The following RBFOX1 variants were observed in gnomAD, a reference collection of about 807,000 sequenced individuals.
RBFOX1 encodes the protein RNA binding protein fox-1 homolog 1.
In RBFOX1, 8 loss-of-function variants were observed where a neutral mutation model predicts 57.7. The observed-to-expected ratio is 0.14, with a 90% CI of 0.08 to 0.25. The LOEUF (loss-of-function observed/expected upper bound fraction) is 0.25. Ranked by LOEUF, RBFOX1 falls within the 10% of genes least tolerant of loss-of-function variation. The pLI, the probability that RBFOX1 is intolerant of heterozygous loss-of-function variation, is 1.00. For synonymous variants in RBFOX1, 326 were observed against 222.4 expected, an observed-to-expected ratio of 1.47 and a Z score of -4.15; for missense variants, 611 against 548.5, an observed-to-expected ratio of 1.11 and a Z score of -1.14.
intron 4 of RBFOX1, among the ~76,000 whole-genome samples, chr16:7,256,817 T>C (rs1304168556): frequency 1.3e-5 from 2 of 152,134 alleles, no homozygotes; most frequent in Non-Finnish European, 2.9e-5. Context: ...TCTCTCACCG[T>C]TCTACGCACA....
intron 1 of RBFOX1, among the ~76,000 whole-genome samples, chr16:5,305,211 C>A (rs2063903893): frequency 6.6e-6 from 1 of 152,148 alleles, no homozygotes; most frequent in African/African-American, 2.4e-5. Flanking sequence ...CAGTGAGGGA[C>A]CGGTTTCACC....
intron 4 of RBFOX1, among the ~76,000 whole-genome samples, chr16:7,480,580 T>A (rs867945070): frequency 6.6e-5 from 10 of 152,248 alleles, no homozygotes; most frequent in Non-Finnish European, 5.9e-5. Context: ...CATCACCTCC[T>A]TTTTTCAAGC....
At chr16:6,959,362 A>AT (rs1333424334) in intron 3 of RBFOX1, among the ~76,000 whole-genome samples, 1 of 152,198 alleles carries the variant, frequency 6.6e-6, no homozygotes. Context: ...TAACCGTCAC[A>AT]TTTGAATGGA....
chr16:6,370,882 C>T (rs1167463059), intron 2 of RBFOX1, among the ~76,000 whole-genome samples: 5 of 152,122 alleles, frequency 3.3e-5, no homozygotes, highest in Admixed American at 2.0e-4. Context: ...AGTGGGTCCT[C>T]AATATGTAAA....
intron 3 of RBFOX1, among the ~76,000 whole-genome samples, chr16:6,774,747 T>A (rs892420512): frequency 7.9e-5 from 12 of 152,128 alleles, no homozygotes; most frequent in Admixed American, 5.9e-4. Flanking sequence ...GTTAATTAGT[T>A]CAACTGTTGA....
chr16:7,529,428 A>C (rs373342634), intron 5 of RBFOX1, among the ~76,000 whole-genome samples: 2 of 152,216 alleles, frequency 1.3e-5, no homozygotes, highest in African/African-American at 4.8e-5. Context: ...ATGGTATGCA[A>C]CCCTTTGGTG....
intron 3 of RBFOX1, among the ~76,000 whole-genome samples, chr16:6,919,208 C>T (rs1363081882): frequency 6.6e-6 from 1 of 152,032 alleles, no homozygotes; most frequent in African/African-American, 2.4e-5. Flanking sequence ...GTCTTGAACT[C>T]CTGACCTCAG....
intron 1 of RBFOX1, among the ~76,000 whole-genome samples, chr16:6,298,716 ACAAGCCATCTCAAGAGACTGTTTTC>A (rs1436276464): frequency 6.6e-6 from 1 of 152,258 alleles, no homozygotes; most frequent in African/African-American, 2.4e-5. Context: ...TTCGAGAATG[ACAAGCCATCTCAAGAGACTGTTTTC>A]CAAAGGTTAG....
In RBFOX1 at chr16:7,610,118, C is replaced by CTTTTTTTTTTTTTTTTTTTTT. The variant is rs34468596; in HGVS notation, c.676+2781_676+2801dup. ...GGTGTGAGCCACTGCGCCCGGCCCC[C>CTTTTTTTTTTTTTTTTTTTTT]TTTTTTTTTTTTTTTTTTTTTGAGG... On this transcript the variant is annotated intron_variant, in intron 10 of 15. Transcript: ENST00000550418. 1.5e-3 allele frequency among the ~76,000 whole-genome samples: 101 copies of CTTTTTTTTTTTTTTTTTTTTT among 65,612 alleles called. 23 individuals are homozygous for CTTTTTTTTTTTTTTTTTTTTT. Among genetic ancestry groups the CTTTTTTTTTTTTTTTTTTTTT allele is most frequent in the Middle Eastern group, 0.038 (2 of 52 alleles). The allele number at this position is 65,612 out of a possible 152,430, so 43.0% of individuals were successfully genotyped here. A position where few individuals can be genotyped will look rare whatever the true frequency, so the allele number is the denominator to read the frequency against.
intron 3 of RBFOX1, among the ~76,000 whole-genome samples, chr16:5,798,753 A>G (rs1360183530): frequency 6.6e-6 from 1 of 152,190 alleles, no homozygotes; most frequent in Non-Finnish European, 1.5e-5. Flanking sequence ...GAAAATCTTA[A>G]TTAAGTCATG....
chr16:7,010,444 C>G (rs558628296), intron 3 of RBFOX1, among the ~76,000 whole-genome samples: 1 of 152,018 alleles, frequency 6.6e-6, no homozygotes, highest in Non-Finnish European at 1.5e-5. Flanking sequence ...TAGAGTTGAC[C>G]GAGTCCGTGA....
chr16:6,272,412 C>G (rs1192927744), intron 1 of RBFOX1, among the ~76,000 whole-genome samples: 1 of 152,098 alleles, frequency 6.6e-6, no homozygotes. Context: ...TAACCAAATA[C>G]AACTTATATG....
chr16:5,657,606 C>T lies in RBFOX1; in HGVS notation c.318+58645C>T, dbSNP rs182925759. ...TGAGGTCTGTAAATTCTTTCTCGCT[C>T]GCTTTCTTTCTTTCTCTCTTTCTTT... On this transcript the variant is annotated intron_variant, in intron 3 of 19. Coordinates refer to the RBFOX1 transcript ENST00000641259. 4.7e-4 allele frequency among the ~76,000 whole-genome samples: 62 copies of T among 132,418 alleles called. 1 individual carries two copies. Among genetic ancestry groups the T allele is most frequent in the Middle Eastern group, 7.6e-3 (2 of 262 alleles). 86.9% of individuals were successfully genotyped at this position (132,418 alleles called of 152,430 possible).
chr16:6,887,176 C>T (rs1026768809), intron 3 of RBFOX1, among the ~76,000 whole-genome samples: 5 of 152,146 alleles, frequency 3.3e-5, no homozygotes, highest in Non-Finnish European at 7.3e-5. Flanking sequence ...TGTTGGTATA[C>T]TCTTTAGCAC....
At chr16:7,280,603 A>G (rs908645220) in intron 4 of RBFOX1, among the ~76,000 whole-genome samples, 1 of 152,148 alleles carries the variant, frequency 6.6e-6, no homozygotes. Flanking sequence ...TGGGGCCGCT[A>G]CCTTCGGAGA....
chr16:6,435,020 G>A (rs1274177690), intron 2 of RBFOX1, among the ~76,000 whole-genome samples: 4 of 152,164 alleles, frequency 2.6e-5, no homozygotes, highest in Admixed American at 2.6e-4. Flanking sequence ...TGATGGATCA[G>A]CCCTGAGTCT....
At chr16:7,385,366 G>GAA (rs2097858056) in intron 4 of RBFOX1, among the ~76,000 whole-genome samples, 1 of 152,156 alleles carries the variant, frequency 6.6e-6, no homozygotes, top group Admixed American at 6.5e-5. Context: ...GAAGGAAATG[G>GAA]AAGTACCGTT....
At chr16:5,819,699 C>T (rs879331210) in intron 3 of RBFOX1, among the ~76,000 whole-genome samples, 12 of 152,222 alleles carry the variant, frequency 7.9e-5, no homozygotes, top group Non-Finnish European at 4.4e-5. Context: ...GCCTGGAATA[C>T]CCTTTCCCTC....
At chr16:7,159,347 A>G (rs1400503730) in intron 4 of RBFOX1, among the ~76,000 whole-genome samples, 2 of 152,152 alleles carry the variant, frequency 1.3e-5, no homozygotes, top group African/African-American at 4.8e-5. Flanking sequence ...AGGGGTGGCA[A>G]GCCCCTGGTG....
Sources: allele counts gnomAD v4.1 joint callset (sites outside exome capture counted in the v4.1 genomes callset), GRCh38; gene constraint gnomAD v4.1.1; transcripts MANE v1.5; gene names NCBI Gene and HGNC (gene_info 2026-07-23, HGNC 2026-07-21).